CTIF: variants seen among roughly 807,000 people sequenced by gnomAD.
The protein encoded by CTIF is cap binding complex dependent translation initiation factor, also known as CBP80/20-dependent translation initiation factor.
CTIF carries 21 observed loss-of-function variants against 66.0 expected under a neutral mutation model. That is an observed-to-expected ratio of 0.32 (90% CI 0.23 to 0.46). The LOEUF is 0.46. CTIF is among the 20% of genes least tolerant of loss of function. The pLI is 1.00. For synonymous variants in CTIF, 345 were observed against 326.4 expected (o/e 1.06, Z -0.62); for missense variants, 739 against 812.7 (o/e 0.91, Z 1.10).
At chr18:48,838,761 T>C (rs1010042954) in intron 10 of CTIF, among the ~76,000 whole-genome samples, 1 of 152,148 alleles carries the variant, frequency 6.6e-6, no homozygotes, top group Non-Finnish European at 1.5e-5. Flanking sequence ...AGTTGAGGGA[T>C]TTGCCAAGGG....
intron 6 of CTIF, among the ~76,000 whole-genome samples, chr18:48,673,118 G>A (rs968936505): frequency 3.9e-5 from 6 of 152,070 alleles, no homozygotes; most frequent in African/African-American, 1.4e-4. Flanking sequence ...CATCTCTGTG[G>A]CATGGCTCCC....
chr18:48,633,769 A>C (rs1390917193), intron 2 of CTIF, among the ~76,000 whole-genome samples: 1 of 152,114 alleles, frequency 6.6e-6, no homozygotes, highest in Non-Finnish European at 1.5e-5. Context: ...TTATGTATGC[A>C]TGTATTTTAC....
At chr18:48,762,292 A>T (rs1320075716) in intron 9 of CTIF, among the ~76,000 whole-genome samples, 2 of 152,172 alleles carry the variant, frequency 1.3e-5, no homozygotes, top group African/African-American at 4.8e-5. Flanking sequence ...ACCCCTGATC[A>T]TTGCTTCCTC....
At chr18:48,833,911 C>G (rs537390140) in intron 10 of CTIF, among the ~76,000 whole-genome samples, 1 of 152,316 alleles carries the variant, frequency 6.6e-6, no homozygotes, top group East Asian at 1.9e-4. Flanking sequence ...GCAAAAGATT[C>G]CAAATGTTGG....
intron 3 of CTIF, among the ~76,000 whole-genome samples, chr18:48,663,149 G>A (rs1368917425): frequency 6.6e-6 from 1 of 152,190 alleles, no homozygotes. Context: ...CATCAGGTGC[G>A]GTCAGGGGTT....
chr18:48,764,559 G>A (rs1183353249), intron 9 of CTIF, among the ~76,000 whole-genome samples: 8 of 152,104 alleles, frequency 5.3e-5, no homozygotes, highest in South Asian at 2.1e-4. Context: ...CCCTTCTCCC[G>A]GGCTAGGGGC....
At chr18:48,737,000 G>A (rs1241315773) in intron 7 of CTIF, among the ~76,000 whole-genome samples, 2 of 152,114 alleles carry the variant, frequency 1.3e-5, no homozygotes, top group African/African-American at 4.8e-5. Context: ...TCTGCCTCCT[G>A]CTCACAGTCC....
At chr18:48,744,192 A>G (rs1391336469) in intron 7 of CTIF, among the ~76,000 whole-genome samples, 2 of 152,168 alleles carry the variant, frequency 1.3e-5, no homozygotes, top group African/African-American at 2.4e-5. Context: ...CAGATGCACA[A>G]TGAGCTCTGT....
intron 1 of CTIF, among the ~76,000 whole-genome samples, chr18:48,610,849 G>C (rs2090294891): frequency 6.6e-6 from 1 of 152,246 alleles, no homozygotes; most frequent in Non-Finnish European, 1.5e-5. Context: ...GCTTTGCACA[G>C]GGTGGGGGCT....
At chr18:48,608,458 A>G (rs10438976) in intron 1 of CTIF, among the ~76,000 whole-genome samples, 16,773 of 147,754 alleles carry the variant, frequency 0.11, 1,442 homozygotes, top group African/African-American at 0.25. Context: ...TGCTCCTTGC[A>G]GGACAAGGCG....
At chr18:48,682,116 A>G (rs892591019) in intron 6 of CTIF, among the ~76,000 whole-genome samples, 4 of 152,142 alleles carry the variant, frequency 2.6e-5, no homozygotes, top group African/African-American at 9.7e-5. Context: ...CTCTGCTTAG[A>G]GGTCACCTCC....
chr18:48,778,837 C>T (rs1468962141), intron 9 of CTIF, among the ~76,000 whole-genome samples: 2 of 152,188 alleles, frequency 1.3e-5, no homozygotes, highest in South Asian at 2.1e-4. Flanking sequence ...AGCACCGCAT[C>T]GGGACACATC....
At position 48,861,454 on chromosome 18, in the gene CTIF, G is replaced by A. The variant is rs987302718; in HGVS notation, c.*1895G>A. ...GAACACAGATGCCCCGCGGGTAGGAGGCCTCGAGGGAGGAGCCGGGCTGAT... is the reference window on the plus strand; with the variant it reads ...GAACACAGATGCCCCGCGGGTAGGAAGCCTCGAGGGAGGAGCCGGGCTGAT... On this transcript the variant is annotated 3_prime_UTR_variant, in exon 12 of 12. Coordinates refer to ENST00000256413, the MANE Select transcript of CTIF (RefSeq NM_014772.3). 1 of 143,606 alleles carries A rather than the reference G, an allele frequency of 7.0e-6. No individual in the cohort carries two copies. The highest frequency in any genetic ancestry group is 1.9e-4 in the East Asian group (1 of 5,200). 8.9% of individuals were successfully genotyped at this position (143,606 alleles called of 1,614,324 possible). A position where few individuals can be genotyped will look rare whatever the true frequency, so the allele number is the denominator to read the frequency against.
chr18:48,541,964 G>A (rs1050953019), intron 1 of CTIF, among the ~76,000 whole-genome samples: 10 of 152,006 alleles, frequency 6.6e-5, no homozygotes, highest in Non-Finnish European at 1.5e-4. Context: ...GCCTCTGGGT[G>A]GGGGAAGGGC....
chr18:48,788,793 CACTTGT>C (rs1489615622), intron 9 of CTIF, among the ~76,000 whole-genome samples: 1 of 152,156 alleles, frequency 6.6e-6, no homozygotes, highest in East Asian at 1.9e-4. Context: ...TGAGAAGAAG[CACTTGT>C]ACTTCTGTAC....
At chr18:48,573,062 C>T (rs17828993) in intron 1 of CTIF, among the ~76,000 whole-genome samples, 11,090 of 151,718 alleles carry the variant, frequency 0.073, 475 homozygotes, top group South Asian at 0.1. Flanking sequence ...AAGGCCAGTG[C>T]GGGAAGTGAG....
chr18:48,636,171 C>A (rs903537219), intron 2 of CTIF, among the ~76,000 whole-genome samples: 1 of 152,222 alleles, frequency 6.6e-6, no homozygotes, highest in Non-Finnish European at 1.5e-5. Context: ...CCAAACCCAT[C>A]ATCTTTTGGA....
At chr18:48,776,222 A>G (rs1208971510) in intron 9 of CTIF, among the ~76,000 whole-genome samples, 1 of 152,178 alleles carries the variant, frequency 6.6e-6, no homozygotes, top group East Asian at 1.9e-4. Context: ...CTTGTAGGAG[A>G]GGGTAGGGAT....
intron 2 of CTIF, among the ~76,000 whole-genome samples, chr18:48,628,222 T>A (rs1415070694): frequency 3.9e-5 from 6 of 151,908 alleles, no homozygotes; most frequent in Admixed American, 3.9e-4. Flanking sequence ...GCATGAAAGG[T>A]TTAAGATAGT....
Sources: gnomAD v4.1 joint callset for allele counts (sites outside exome capture counted in the v4.1 genomes callset) on GRCh38, gnomAD v4.1.1 for gene constraint, MANE v1.5 for transcripts, NCBI Gene and HGNC (gene_info 2026-07-23, HGNC 2026-07-21) for gene names.